Variants in RBFOX1 observed in about 807,000 individuals in gnomAD.
RBFOX1 encodes RNA binding protein fox-1 homolog 1.
RBFOX1 carries 8 observed loss-of-function variants against 57.7 expected under a neutral mutation model. That is an observed-to-expected ratio of 0.14 (90% CI 0.08 to 0.25). The LOEUF (loss-of-function observed/expected upper bound fraction) is 0.25, where lower values mean the gene tolerates loss of function less well. Ranked by LOEUF, RBFOX1 falls within the 10% of genes least tolerant of loss-of-function variation. The pLI is 1.00. For missense variants in RBFOX1, 611 were observed against 548.5 expected, an observed-to-expected ratio of 1.11 and a Z score of -1.14; for synonymous variants, 326 against 222.4, an observed-to-expected ratio of 1.47 and a Z score of -4.15.
chr16:7,643,445 A>G (rs1263342844), intron 11 of RBFOX1, among the ~76,000 whole-genome samples: 3 of 152,254 alleles, frequency 2.0e-5, no homozygotes, highest in Non-Finnish European at 4.4e-5. Flanking sequence ...ATAGCCCAAA[A>G]TGTTATGAAG....
chr16:7,571,322 C>A (rs3826222), intron 5 of RBFOX1, among the ~76,000 whole-genome samples: 58,741 of 151,936 alleles, frequency 0.39, 11,779 homozygotes, highest in South Asian at 0.53. Context: ...AGAGGAAACC[C>A]CAGGAGGGGG....
chr16:6,685,047 G>A (rs1603409790), intron 3 of RBFOX1, among the ~76,000 whole-genome samples: 1 of 152,262 alleles, frequency 6.6e-6, no homozygotes, highest in African/African-American at 2.4e-5. Flanking sequence ...GCTGCAGGAT[G>A]ACTGAAAATT....
intron 1 of RBFOX1, among the ~76,000 whole-genome samples, chr16:6,232,212 G>A (rs1261105990): frequency 6.6e-6 from 1 of 152,178 alleles, no homozygotes; most frequent in Non-Finnish European, 1.5e-5. Context: ...TGCTTCCTGA[G>A]GAGAGGAGAA....
chr16:5,344,704 A>T (rs1441514457), intron 1 of RBFOX1, among the ~76,000 whole-genome samples: 9 of 152,196 alleles, frequency 5.9e-5, no homozygotes, highest in African/African-American at 2.2e-4. Flanking sequence ...ATTCCAAATT[A>T]TATCCATCAA....
intron 3 of RBFOX1, among the ~76,000 whole-genome samples, chr16:7,001,258 G>A (rs953822000): frequency 6.6e-6 from 1 of 152,034 alleles, no homozygotes; most frequent in Non-Finnish European, 1.5e-5. Flanking sequence ...CTGTCTCCTT[G>A]TTCAGATGGA....
In RBFOX1 at chr16:5,882,622, A is replaced by G. The variant is rs532857168; in HGVS notation, c.351+15287A>G. On this transcript the variant is annotated intron_variant, in intron 4 of 19. Coordinates refer to the RBFOX1 transcript ENST00000641259. ...CAGCAAGAGTGAAACTAGGGGTTCA[A>G]CATTTGAGGGGACACTCTCACAGTA... is the stretch of plus-strand genomic sequence containing the variant. Among the ~76,000 whole-genome samples, 6 of 152,274 alleles carry G rather than the reference A, an allele frequency of 3.9e-5. No individual in the cohort carries two copies. In the East Asian group the frequency reaches 5.8e-4, roughly 15 times the overall value.
At chr16:7,002,906 C>G (rs1313650725) in intron 3 of RBFOX1, among the ~76,000 whole-genome samples, 1 of 152,014 alleles carries the variant, frequency 6.6e-6, no homozygotes, top group Non-Finnish European at 1.5e-5. Flanking sequence ...ATCAGAATAA[C>G]ACAAGACAGA....
intron 4 of RBFOX1, among the ~76,000 whole-genome samples, chr16:5,984,895 G>T (rs1339743051): frequency 7.1e-6 from 1 of 140,622 alleles, no homozygotes; most frequent in Non-Finnish European, 1.5e-5. Context: ...CATAGAAAAG[G>T]TACAGTAAAA....
intron 4 of RBFOX1, among the ~76,000 whole-genome samples, chr16:7,206,641 C>T (rs1241907816): frequency 6.6e-6 from 1 of 151,980 alleles, no homozygotes; most frequent in Non-Finnish European, 1.5e-5. Context: ...GCTGTCTTAT[C>T]CCTCAGCTAG....
chr16:5,294,010 C>G (rs570585520), intron 1 of RBFOX1, among the ~76,000 whole-genome samples: 1 of 152,108 alleles, frequency 6.6e-6, no homozygotes, highest in South Asian at 2.1e-4. Context: ...GGGTAGAACA[C>G]CTGAGGCCAG....
intron 3 of RBFOX1, among the ~76,000 whole-genome samples, chr16:5,794,433 C>T (rs943738669): frequency 3.3e-5 from 5 of 152,034 alleles, no homozygotes; most frequent in Non-Finnish European, 7.4e-5. Flanking sequence ...ACTGTGTGAT[C>T]TATAAAATAT....
intron 1 of RBFOX1, among the ~76,000 whole-genome samples, chr16:6,258,846 C>T (rs1040964176): frequency 2.0e-5 from 3 of 152,060 alleles, no homozygotes; most frequent in African/African-American, 7.2e-5. Context: ...TCATTTCATG[C>T]CTGTATCAAA....
At chr16:7,322,790 C>G (rs993509037) in intron 4 of RBFOX1, among the ~76,000 whole-genome samples, 2 of 152,160 alleles carry the variant, frequency 1.3e-5, no homozygotes, top group East Asian at 1.9e-4. Flanking sequence ...CTCAGCTTCA[C>G]AAAAAAAGGG....
chr16:6,529,230 G>C (rs368021249), intron 2 of RBFOX1, among the ~76,000 whole-genome samples: 8 of 152,024 alleles, frequency 5.3e-5, no homozygotes, highest in Non-Finnish European at 1.2e-4. Flanking sequence ...TCAAATAAAA[G>C]CATATTGCAT....
intron 4 of RBFOX1, among the ~76,000 whole-genome samples, chr16:7,384,021 C>T (rs567308355): frequency 1.3e-5 from 2 of 150,758 alleles, no homozygotes; most frequent in East Asian, 3.9e-4. Flanking sequence ...GCCGTTGCAC[C>T]CCAGCCTGGG....
intron 2 of RBFOX1, among the ~76,000 whole-genome samples, chr16:5,528,257 T>C (rs1019052606): frequency 3.9e-5 from 6 of 152,138 alleles, no homozygotes; most frequent in Non-Finnish European, 7.3e-5. Context: ...CTACGGTGCC[T>C]ATCAGTTTTC....
intron 15 of RBFOX1, chr16:7,710,407 G>C: frequency 1.4e-6 from 2 of 1,392,086 alleles, no homozygotes; most frequent in Non-Finnish European, 9.2e-7. Context: ...CTGGCTGACA[G>C]AATTTGGTTT....
rs545282318 is a variant in RBFOX1 at position 7,412,935 on chromosome 16, G to A, written c.28-105212G>A. 8.5e-5 allele frequency among the ~76,000 whole-genome samples: 13 copies of A among 152,178 alleles called. No individual in the cohort carries two copies. In the East Asian group the frequency reaches 1.7e-3, roughly 20 times the overall value. On this transcript the variant is annotated intron_variant, in intron 4 of 15. Coordinates refer to ENST00000550418, the MANE Select transcript of RBFOX1 (RefSeq NM_018723.4). ...TGGGCGCCTGCAGTCCCAGCTACTCGGGAGGCTGAGGCAGGAGAATGGCGT... is the reference window on the plus strand; with the variant it reads ...TGGGCGCCTGCAGTCCCAGCTACTCAGGAGGCTGAGGCAGGAGAATGGCGT...
intron 2 of RBFOX1, among the ~76,000 whole-genome samples, chr16:5,590,572 G>A (rs117218078): frequency 0.015 from 2,351 of 152,258 alleles, 79 homozygotes; most frequent in East Asian, 0.13. Context: ...GATTCGGGGC[G>A]TGATGGAGGA....
Sources: gnomAD v4.1 joint callset for allele counts (sites outside exome capture counted in the v4.1 genomes callset) on GRCh38, gnomAD v4.1.1 for gene constraint, MANE v1.5 for transcripts, NCBI Gene and HGNC (gene_info 2026-07-23, HGNC 2026-07-21) for gene names.